The following LHFPL3 variants were observed in gnomAD, a reference collection of about 807,000 sequenced individuals.
The protein encoded by LHFPL3 is LHFPL tetraspan subfamily member 3 protein.
Under a neutral mutation model 19.3 loss-of-function variants are expected in LHFPL3, and 5 were observed. That is an observed-to-expected ratio of 0.26 (90% CI 0.14 to 0.54). LHFPL3 has a LOEUF of 0.54. LHFPL3 is among the 20% of genes least tolerant of loss of function. The probability of loss-of-function intolerance (pLI) is 0.94; values close to 1 mark genes in which losing one functional copy is unlikely to be tolerated. For missense variants in LHFPL3, 249 were observed against 307.4 expected, an observed-to-expected ratio of 0.81 and a Z score of 1.42; for synonymous variants, 133 against 126.2, an observed-to-expected ratio of 1.05 and a Z score of -0.36.
chr7:104,734,303 C>A (rs530458674), intron 1 of LHFPL3, among the ~76,000 whole-genome samples: 2 of 152,110 alleles, frequency 1.3e-5, no homozygotes, highest in East Asian at 4.0e-4. Flanking sequence ...GGATAATATC[C>A]TGCAGAGTGT....
At chr7:104,392,670 G>A (rs1791101102) in intron 1 of LHFPL3, among the ~76,000 whole-genome samples, 1 of 152,176 alleles carries the variant, frequency 6.6e-6, no homozygotes, top group African/African-American at 2.4e-5. Context: ...GTCTCTGCCA[G>A]GCTTTGGTAT....
intron 1 of LHFPL3, among the ~76,000 whole-genome samples, chr7:104,394,976 G>A (rs1208284989): frequency 6.6e-6 from 1 of 151,988 alleles, no homozygotes; most frequent in Non-Finnish European, 1.5e-5. Flanking sequence ...TGGGATTAAA[G>A]GCATGAGCCA....
At chr7:104,679,147 G>C (rs1015834658) in intron 1 of LHFPL3, among the ~76,000 whole-genome samples, 1 of 152,216 alleles carries the variant, frequency 6.6e-6, no homozygotes, top group Non-Finnish European at 1.5e-5. Context: ...CTGCTGGCCA[G>C]GGCTGCAGTC....
rs556205413 is a variant in LHFPL3 at position 104,723,230 on chromosome 7, T to A, written c.446-13445T>A. 2.8e-3 allele frequency among the ~76,000 whole-genome samples: 420 copies of A among 152,296 alleles called. 1 individual carries two copies. Among genetic ancestry groups the A allele is most frequent in the African/African-American group, 9.3e-3 (388 of 41,552 alleles). Reference sequence around the variant, plus strand: ...GAGCCCTTTGTGGGCATCAGTAGCCTCTACACAGAGATTCCTTTCAGAATG... The same window carrying A: ...GAGCCCTTTGTGGGCATCAGTAGCCACTACACAGAGATTCCTTTCAGAATG... On this transcript the variant is annotated intron_variant, in intron 1 of 2. Transcript: ENST00000424859.
chr7:104,686,180 G>A (rs985521048), intron 1 of LHFPL3, among the ~76,000 whole-genome samples: 3 of 152,170 alleles, frequency 2.0e-5, no homozygotes, highest in South Asian at 2.1e-4. Flanking sequence ...CCTCAGAAGC[G>A]TGCTATTATA....
intron 2 of LHFPL3, among the ~76,000 whole-genome samples, chr7:104,854,712 A>C (rs935056120): frequency 1.3e-5 from 2 of 152,220 alleles, no homozygotes; most frequent in African/African-American, 2.4e-5. Context: ...GTAATTTCTC[A>C]TAGCTTCAGT....
At chr7:104,568,741 T>A (rs1017516639) in intron 1 of LHFPL3, among the ~76,000 whole-genome samples, 2 of 152,146 alleles carry the variant, frequency 1.3e-5, no homozygotes, top group African/African-American at 4.8e-5. Context: ...ACCCATGACA[T>A]GGCGCAGAGT....
chr7:104,613,398 T>C (rs1791246750), intron 1 of LHFPL3, among the ~76,000 whole-genome samples: 1 of 152,186 alleles, frequency 6.6e-6, no homozygotes, highest in East Asian at 1.9e-4. Context: ...AGAATTCCTT[T>C]CTTGTGTAAT....
intron 1 of LHFPL3, among the ~76,000 whole-genome samples, chr7:104,334,836 A>T (rs1314014967): frequency 4.6e-5 from 7 of 152,222 alleles, no homozygotes; most frequent in Middle Eastern, 3.2e-3. Context: ...TCATTAAAAA[A>T]ACCTCATATC....
At chr7:104,705,847 G>A (rs952543859) in intron 1 of LHFPL3, among the ~76,000 whole-genome samples, 32 of 152,150 alleles carry the variant, frequency 2.1e-4, no homozygotes, top group African/African-American at 7.5e-4. Context: ...CTCTCCTTCA[G>A]ATGAGTGGGG....
chr7:104,888,975 A>G (rs1007929691), intron 2 of LHFPL3, among the ~76,000 whole-genome samples: 1 of 152,220 alleles, frequency 6.6e-6, no homozygotes, highest in Non-Finnish European at 1.5e-5. Context: ...CTTCACGTCA[A>G]GGAGAGATGA....
At position 104,768,664 on chromosome 7, in the gene LHFPL3, G is replaced by A. The variant is rs746705284; in HGVS notation, c.682+31753G>A. The A allele has an allele frequency of 9.9e-5, 15 of 152,104 alleles. 1 individual carries two copies. Among genetic ancestry groups the A allele is most frequent in the Middle Eastern group, 6.3e-3 (2 of 316 alleles). 9.4% of individuals were successfully genotyped at this position (152,104 alleles called of 1,614,324 possible). On this transcript the variant is annotated intron_variant, in intron 2 of 2. Coordinates refer to ENST00000424859, the MANE Select transcript of LHFPL3 (RefSeq NM_199000.3). ...AATCGATCCAGCAAGCAAAGCCCTCGGCACAAAGGATTAGGTTGACTTTTA... is the reference window on the plus strand; with the variant it reads ...AATCGATCCAGCAAGCAAAGCCCTCAGCACAAAGGATTAGGTTGACTTTTA...
At chr7:104,827,554 C>G (rs1361795994) in intron 2 of LHFPL3, among the ~76,000 whole-genome samples, 1 of 151,352 alleles carries the variant, frequency 6.6e-6, no homozygotes, top group Non-Finnish European at 1.5e-5. Context: ...CTTTTTATTT[C>G]TCTTCACTGT....
chr7:104,341,239 C>A (rs536748489), intron 1 of LHFPL3, among the ~76,000 whole-genome samples: 1 of 152,158 alleles, frequency 6.6e-6, no homozygotes, highest in Admixed American at 6.6e-5. Flanking sequence ...GATTTATGCT[C>A]AAATGAAGGT....
intron 1 of LHFPL3, among the ~76,000 whole-genome samples, chr7:104,378,532 T>G (rs1480486455): frequency 6.6e-6 from 1 of 152,208 alleles, no homozygotes; most frequent in African/African-American, 2.4e-5. Context: ...TGTTGCAACA[T>G]ATTTTTACTT....
At chr7:104,900,365 C>T (rs1792458721) in intron 2 of LHFPL3, among the ~76,000 whole-genome samples, 2 of 152,166 alleles carry the variant, frequency 1.3e-5, no homozygotes, top group Admixed American at 6.5e-5. Context: ...TTGTGAAATA[C>T]TTACTTTCCA....
chr7:104,429,006 A>G (rs1023816149), intron 1 of LHFPL3, among the ~76,000 whole-genome samples: 5 of 152,220 alleles, frequency 3.3e-5, no homozygotes, highest in Non-Finnish European at 4.4e-5. Flanking sequence ...AAATGCTTAT[A>G]CAAAGGAAAA....
At chr7:104,567,308 G>A (rs760203548) in intron 1 of LHFPL3, among the ~76,000 whole-genome samples, 2 of 152,124 alleles carry the variant, frequency 1.3e-5, no homozygotes, top group Non-Finnish European at 2.9e-5. Flanking sequence ...GCCATTTTAG[G>A]CCCCCTAGAT....
chr7:104,630,928 A>G (rs578056522), intron 1 of LHFPL3, among the ~76,000 whole-genome samples: 5 of 152,248 alleles, frequency 3.3e-5, no homozygotes, highest in Non-Finnish European at 7.4e-5. Context: ...ACTGAGATCC[A>G]TACCTGATTG....
Sources: gnomAD v4.1 joint callset for allele counts (sites outside exome capture counted in the v4.1 genomes callset) on GRCh38, gnomAD v4.1.1 for gene constraint, MANE v1.5 for transcripts, NCBI Gene and HGNC (gene_info 2026-07-23, HGNC 2026-07-21) for gene names.